The following IRAK3 variants were observed in gnomAD, a reference collection of about 807,000 sequenced individuals.
The protein encoded by IRAK3 is interleukin 1 receptor associated kinase 3.
IRAK3 carries 57 observed loss-of-function variants against 56.6 expected under a neutral mutation model. That is an observed-to-expected ratio of 1.01 (90% CI 0.81 to 1.26). The LOEUF (loss-of-function observed/expected upper bound fraction) is 1.26. IRAK3 is among the 50% of genes most tolerant of loss of function. The pLI is 0.00. For synonymous variants in IRAK3, 258 were observed against 255.7 expected, an observed-to-expected ratio of 1.01 and a Z score of -0.09; for missense variants, 703 against 719.0, an observed-to-expected ratio of 0.98 and a Z score of 0.25.
chr12:66,244,987 G>A lies in IRAK3; in HGVS notation c.1126G>A (p.Asp376Asn), dbSNP rs974013252. 6.2e-7 allele frequency: 1 copy of A among 1,613,860 alleles called. No individual in the cohort carries two copies. Among genetic ancestry groups the A allele is most frequent in the Non-Finnish European group, 8.5e-7 (1 of 1,179,738 alleles). ...EVLTGCRVVLDDPKHIQLRDL... is the reference protein window; with the variant it reads ...EVLTGCRVVLNDPKHIQLRDL... ...TCTAACAGGATGTAGAGTAGTGTTA[G>A]ATGATCCAAAACATATCCAGCTGGT... The change falls in exon 10 of 12, where the codon GAT (aspartate) becomes AAT (asparagine). Residue 376 changes from aspartate to asparagine, a missense_variant. By Grantham distance (23) the Asp-to-Asn change is conservative. Transcript: ENST00000261233.
chr12:66,192,832 A>G (rs1213597337), intron 1 of IRAK3, among the ~76,000 whole-genome samples: 1 of 152,160 alleles, frequency 6.6e-6, no homozygotes, highest in Non-Finnish European at 1.5e-5. Context: ...CACTCTTCCT[A>G]TTTCCATTTT....
Position 66,189,262 on chromosome 12 carries a change from G to A in IRAK3, c.-38G>A. ...GCCTGTCGCAGGCGTGCAGGGACCT[G>A]GACTCCGCCTCGTCCCCGGGGCTCG... On this transcript the variant is annotated 5_prime_UTR_variant, in exon 1 of 12. Transcript: ENST00000261233. 6.5e-7 allele frequency: 1 copy of A among 1,534,110 alleles called. No individual in the cohort carries two copies. Among genetic ancestry groups the A allele is most frequent in the Non-Finnish European group, 8.7e-7 (1 of 1,146,012 alleles).
chr12:66,208,893 A>G (rs1209989344), intron 2 of IRAK3, among the ~76,000 whole-genome samples: 1 of 151,820 alleles, frequency 6.6e-6, no homozygotes, highest in Non-Finnish European at 1.5e-5. Flanking sequence ...GTAAAACCCC[A>G]TCTCTACTAA....
intron 7 of IRAK3, 61 bp from the exon 8 acceptor site, chr12:66,228,191 G>T: frequency 8.9e-7 from 1 of 1,126,510 alleles, no homozygotes; most frequent in Non-Finnish European, 1.4e-6. Flanking sequence ...TCTGCATAAT[G>T]AATACATAGG....
At chr12:66,195,015 A>G (rs1003366382) in intron 1 of IRAK3, among the ~76,000 whole-genome samples, 2 of 152,076 alleles carry the variant, frequency 1.3e-5, no homozygotes, top group Non-Finnish European at 2.9e-5. Flanking sequence ...CTGGAATGTC[A>G]TCTTCATCCA....
intron 9 of IRAK3, 25 bp from the exon 10 acceptor site, chr12:66,244,923 C>T: frequency 6.5e-7 from 1 of 1,536,564 alleles, no homozygotes. Context: ...AGATATATAG[C>T]TGACTTTCTA....
In IRAK3 at chr12:66,244,552, G is replaced by A. The variant is rs1182509699; in HGVS notation, c.954G>A (p.Arg318=). 3.1e-6 allele frequency: 5 copies of A among 1,613,960 alleles called. No individual in the cohort carries two copies. The highest frequency in any genetic ancestry group is 4.2e-6 in the Non-Finnish European group (5 of 1,179,952). Residue 318 remains arginine (R), a synonymous_variant, in exon 9 of 12, where the codon CGG becomes CGA. Coordinates refer to ENST00000261233, the MANE Select transcript of IRAK3 (RefSeq NM_007199.3). ...KLTDFAMAHF[R]SHLEHQSCTI... ...CTGATTTTGCCATGGCACACTTCCG[G>A]TCCCACCTAGAACATCAGAGTTGTA...
At position 66,195,410 on chromosome 12, in the gene IRAK3, G is replaced by A. The variant is rs74779471; in HGVS notation, c.133+5978G>A. Among the ~76,000 whole-genome samples, 43 of 152,290 alleles carry A rather than the reference G, an allele frequency of 2.8e-4. No individual in the cohort carries two copies. The East Asian group carries it at 6.4e-3, about 23-fold the overall frequency. ...AGCAGTCGGCAAGCCTGTGATGCCT[G>A]TAAAGCATATGCTATCATTGCCCTA... is the stretch of plus-strand genomic sequence containing the variant. On this transcript the variant is annotated intron_variant, in intron 1 of 11. Coordinates refer to ENST00000261233, the MANE Select transcript of IRAK3 (RefSeq NM_007199.3).
chr12:66,233,550 G>C (rs896481331), intron 8 of IRAK3, among the ~76,000 whole-genome samples: 11 of 151,536 alleles, frequency 7.3e-5, no homozygotes, highest in Non-Finnish European at 1.5e-4. Flanking sequence ...GCTAAGAAGA[G>C]AGACACTGAC....
At chr12:66,214,843 CT>C (rs1428739497) in intron 5 of IRAK3, among the ~76,000 whole-genome samples, 2 of 152,172 alleles carry the variant, frequency 1.3e-5, no homozygotes, top group South Asian at 4.1e-4. Context: ...TGCTGTTAGC[CT>C]GGGCAAAGTC....
In IRAK3 at chr12:66,247,804, C is replaced by G. The variant is rs745862579; in HGVS notation, c.1424C>G (p.Pro475Arg). 2 of 1,613,704 alleles carry G rather than the reference C, an allele frequency of 1.2e-6. No homozygotes were observed. The highest frequency in any genetic ancestry group is 1.3e-5 in the African/African-American group (1 of 74,856). ...TCTCCTCTATTCCTGGAGAATGTAC[C>G]AAGTATTCCAGTGGAAGATGATGAA... is the stretch of plus-strand genomic sequence containing the variant. The part of the protein sequence containing the change: ...CPSPLFLENV[P>R]SIPVEDDESQ... Residue 475 changes from proline (P) to arginine (R), a missense_variant, in exon 12 of 12, where the codon CCA becomes CGA. Physicochemically the swap from Pro to Arg is moderately radical, Grantham distance 103 (BLOSUM62 -2). Coordinates refer to ENST00000261233, the MANE Select transcript of IRAK3 (RefSeq NM_007199.3).
At chr12:66,227,314 T>C (rs530621555) in intron 7 of IRAK3, among the ~76,000 whole-genome samples, 89 of 152,132 alleles carry the variant, frequency 5.9e-4, no homozygotes, top group Middle Eastern at 3.4e-3. Context: ...ATAAATTGGC[T>C]GGGCGCAGTG....
chr12:66,211,657 T>G, intron 5 of IRAK3, 60 bp downstream of exon 5: 1 of 1,380,864 alleles, frequency 7.2e-7, no homozygotes, highest in Non-Finnish European at 1.0e-6. Flanking sequence ...TCTTTCATAT[T>G]AAAATATGTC....
chr12:66,247,650 A>T (rs1184279066), intron 11 of IRAK3, 45 bp from the exon 12 acceptor site: 9 of 1,185,188 alleles, frequency 7.6e-6, no homozygotes, highest in Non-Finnish European at 1.1e-5. Context: ...AAAAGGAAAG[A>T]TTATTCAAAC....
intron 1 of IRAK3, among the ~76,000 whole-genome samples, chr12:66,193,696 T>C (rs2052422084): frequency 6.6e-6 from 1 of 152,162 alleles, no homozygotes; most frequent in African/African-American, 2.4e-5. Flanking sequence ...ATTTGTCTGA[T>C]GTTTTTCTCA....
chr12:66,223,063 G>T (rs1181952345), intron 6 of IRAK3, among the ~76,000 whole-genome samples: 2 of 151,870 alleles, frequency 1.3e-5, no homozygotes, highest in African/African-American at 2.4e-5. Flanking sequence ...CTCAGTGGGG[G>T]AGCTTTTTGA....
At chr12:66,209,307 C>T in intron 2 of IRAK3, 149 bp from the exon 3 acceptor site, 3 of 630,000 alleles carry the variant, frequency 4.8e-6, no homozygotes, top group Admixed American at 5.2e-5. Flanking sequence ...ACAAATAATA[C>T]TTTCACAAAT....
intron 7 of IRAK3, among the ~76,000 whole-genome samples, chr12:66,227,598 TAAATAAAC>T (rs973189782): frequency 1.0e-4 from 12 of 119,038 alleles, no homozygotes; most frequent in African/African-American, 3.0e-4. Flanking sequence ...AATAAATAAA[TAAATAAAC>T]AAACAAACTG....
chr12:66,228,495 A>T (rs2052811876), intron 8 of IRAK3, 125 bp downstream of exon 8: 4 of 746,956 alleles, frequency 5.4e-6, no homozygotes, highest in Non-Finnish European at 9.6e-6. Flanking sequence ...AAGAATTCTC[A>T]TCTAGGTATT....
Sources: allele counts gnomAD v4.1 joint callset (sites outside exome capture counted in the v4.1 genomes callset), GRCh38; gene constraint gnomAD v4.1.1; transcripts MANE v1.5; gene names NCBI Gene and HGNC (gene_info 2026-07-23, HGNC 2026-07-21).